The following CNBD1 variants were observed in gnomAD, a reference collection of about 807,000 sequenced individuals.
The protein encoded by CNBD1 is cyclic nucleotide binding domain containing 1, also known as cyclic nucleotide-binding domain-containing protein 1.
Under a neutral mutation model 54.4 loss-of-function variants are expected in CNBD1, and 71 were observed. The ratio of observed to expected loss-of-function variants is 1.30; its 90% CI spans 1.08 to 1.59. CNBD1 has a LOEUF of 1.59. Among genes scored for constraint, CNBD1 ranks in the 40% most tolerant of loss-of-function variants. CNBD1 has a pLI of 0.00. For synonymous variants in CNBD1, 182 were observed against 170.7 expected (o/e 1.07, Z -0.51); for missense variants, 659 against 518.0 (o/e 1.27, Z -2.64).
At position 87,315,467 on chromosome 8, in the gene CNBD1, G is replaced by A. The variant is rs546967548; in HGVS notation, c.1042+28796G>A. On this transcript the variant is annotated intron_variant, in intron 8 of 10. Transcript: ENST00000518476. The stretch of plus-strand genomic sequence containing the variant: ...TACTTGGCTTCTGGTGAGGACCTCA[G>A]GTTGTTTCCACTCATGACTGAAGGC... 7.9e-5 allele frequency among the ~76,000 whole-genome samples: 12 copies of A among 152,008 alleles called. No individual in the cohort carries two copies. In the South Asian group the frequency reaches 2.5e-3, roughly 32 times the overall value.
chr8:86,928,297 G>T (rs531007156), intron 3 of CNBD1, among the ~76,000 whole-genome samples: 11 of 152,314 alleles, frequency 7.2e-5, no homozygotes, highest in African/African-American at 2.6e-4. Flanking sequence ...TTTGTGAAGA[G>T]AATTTCGGAT....
intron 8 of CNBD1, among the ~76,000 whole-genome samples, chr8:87,291,026 A>G (rs1808775410): frequency 6.6e-6 from 1 of 152,100 alleles, no homozygotes; most frequent in Non-Finnish European, 1.5e-5. Context: ...TGACTCTCTC[A>G]TATATTGTTA....
chr8:87,120,519 T>C (rs1811868833), intron 4 of CNBD1, among the ~76,000 whole-genome samples: 1 of 151,876 alleles, frequency 6.6e-6, no homozygotes, highest in Non-Finnish European at 1.5e-5. Context: ...AATAACTTTT[T>C]ATTTTCTTGA....
At chr8:87,205,457 AAAT>A (rs1813951976) in intron 4 of CNBD1, among the ~76,000 whole-genome samples, 1 of 152,236 alleles carries the variant, frequency 6.6e-6, no homozygotes, top group Admixed American at 6.5e-5. Flanking sequence ...GATTAAAAAT[AAAT>A]AATAAATACC....
chr8:87,208,609 A>G (rs866492087), intron 5 of CNBD1, among the ~76,000 whole-genome samples: 1 of 152,050 alleles, frequency 6.6e-6, no homozygotes, highest in Non-Finnish European at 1.5e-5. Flanking sequence ...GAAAACTAAA[A>G]GAATTGCCAG....
At chr8:86,908,784 C>CTTT (rs1216108367) in intron 3 of CNBD1, among the ~76,000 whole-genome samples, 1 of 70,864 alleles carries the variant, frequency 1.4e-5, no homozygotes, top group Non-Finnish European at 2.9e-5. Flanking sequence ...CATAAGAATT[C>CTTT]TTTTTTTTTT....
At chr8:87,211,970 C>T (rs1232346620) in intron 5 of CNBD1, among the ~76,000 whole-genome samples, 2 of 152,010 alleles carry the variant, frequency 1.3e-5, no homozygotes, top group African/African-American at 2.4e-5. Flanking sequence ...AAATTGGTAA[C>T]TTAATATTCT....
chr8:87,294,154 A>T (rs2130876874), intron 8 of CNBD1, among the ~76,000 whole-genome samples: 1 of 152,324 alleles, frequency 6.6e-6, no homozygotes, highest in East Asian at 1.9e-4. Context: ...CTATTTTGGT[A>T]GTACCAGAGG....
intron 4 of CNBD1, among the ~76,000 whole-genome samples, chr8:87,116,935 T>G (rs1314332787): frequency 6.6e-6 from 1 of 152,218 alleles, no homozygotes; most frequent in Non-Finnish European, 1.5e-5. Flanking sequence ...ATTATATTTC[T>G]TATTTACTTA....
At chr8:87,403,062 A>G (rs1807595089) in intron 2 of CNBD1, among the ~76,000 whole-genome samples, 1 of 152,032 alleles carries the variant, frequency 6.6e-6, no homozygotes, top group African/African-American at 2.4e-5. Context: ...TTCTTAATAA[A>G]TGGCTTTTCA....
chr8:87,148,891 A>C (rs1395885021), intron 4 of CNBD1, among the ~76,000 whole-genome samples: 4 of 152,212 alleles, frequency 2.6e-5, no homozygotes, highest in Non-Finnish European at 4.4e-5. Context: ...TTAGTTGCCA[A>C]GAAAAGAACA....
At chr8:86,993,313 A>G (rs565710463) in intron 4 of CNBD1, among the ~76,000 whole-genome samples, 1 of 152,022 alleles carries the variant, frequency 6.6e-6, no homozygotes, top group South Asian at 2.1e-4. Context: ...CAGAAGAGCA[A>G]TGTTGTTCTT....
At chr8:87,148,362 G>A (rs993602288) in intron 4 of CNBD1, among the ~76,000 whole-genome samples, 6 of 152,186 alleles carry the variant, frequency 3.9e-5, no homozygotes, top group African/African-American at 9.6e-5. Context: ...GAACTTGATC[G>A]TAAACATGTG....
At chr8:87,330,822 A>C (rs529812003) in intron 8 of CNBD1, among the ~76,000 whole-genome samples, 3 of 152,284 alleles carry the variant, frequency 2.0e-5, no homozygotes, top group Non-Finnish European at 4.4e-5. Context: ...TGTTGAGTTA[A>C]AATATGAATT....
intron 2 of CNBD1, among the ~76,000 whole-genome samples, chr8:87,423,141 C>A (rs1471746791): frequency 6.6e-6 from 1 of 152,158 alleles, no homozygotes; most frequent in African/African-American, 2.4e-5. Flanking sequence ...TGAGACTTTG[C>A]TGAAGTTGCT....
intron 2 of CNBD1, among the ~76,000 whole-genome samples, chr8:87,390,568 G>A (rs77215956): frequency 0.014 from 2,056 of 152,136 alleles, 30 homozygotes; most frequent in South Asian, 0.026. Context: ...TTAGAATGGC[G>A]ATCATTAAAA....
At chr8:87,042,165 C>A (rs1365621279) in intron 4 of CNBD1, among the ~76,000 whole-genome samples, 1 of 152,080 alleles carries the variant, frequency 6.6e-6, no homozygotes, top group Admixed American at 6.5e-5. Flanking sequence ...GATGGGTTGG[C>A]CAAAGGCAGA....
At chr8:87,347,590 A>G (rs1810199725) in intron 8 of CNBD1, among the ~76,000 whole-genome samples, 1 of 152,224 alleles carries the variant, frequency 6.6e-6, no homozygotes, top group African/African-American at 2.4e-5. Flanking sequence ...TAGAAGGAGC[A>G]GTATAGAGTA....
chr8:87,330,526 G>A (rs543645242), intron 8 of CNBD1, among the ~76,000 whole-genome samples: 2 of 151,810 alleles, frequency 1.3e-5, no homozygotes, highest in Non-Finnish European at 2.9e-5. Context: ...TTTCTCTTGA[G>A]ATTTTATCTT....
Sources: gnomAD v4.1 joint callset for allele counts (sites outside exome capture counted in the v4.1 genomes callset) on GRCh38, gnomAD v4.1.1 for gene constraint, MANE v1.5 for transcripts, NCBI Gene and HGNC (gene_info 2026-07-23, HGNC 2026-07-21) for gene names.